SV2C: variants seen among roughly 807,000 people sequenced by gnomAD.
SV2C encodes the protein solute carrier family 22 member B3.
SV2C carries 49 observed loss-of-function variants against 79.7 expected under a neutral mutation model. The ratio of observed to expected loss-of-function variants is 0.61; its 90% CI spans 0.49 to 0.78. The LOEUF is 0.78. Ranked by LOEUF, SV2C falls within the 30% of genes least tolerant of loss-of-function variation. The pLI, the probability that SV2C is intolerant of heterozygous loss-of-function variation, is 0.00. For synonymous variants in SV2C, 334 were observed against 333.2 expected (o/e 1.00, Z -0.03); for missense variants, 833 against 912.9 (o/e 0.91, Z 1.13).
the SV2C span, among the ~76,000 whole-genome samples, chr5:75,998,166 G>A: frequency 6.6e-6 from 1 of 152,020 alleles, no homozygotes; most frequent in South Asian, 2.1e-4. Flanking sequence ...ACAGGAAGGG[G>A]AACATCACAC....
intron 12 of SV2C, among the ~76,000 whole-genome samples, chr5:76,313,167 G>A (rs1222585671): frequency 6.6e-6 from 1 of 152,140 alleles, no homozygotes; most frequent in Non-Finnish European, 1.5e-5. Context: ...CTGGTATTCT[G>A]TAATGGCAAT....
At chr5:75,883,864 A>T in the SV2C span, among the ~76,000 whole-genome samples, 2 of 151,670 alleles carry the variant, frequency 1.3e-5, no homozygotes, top group Non-Finnish European at 2.9e-5. Flanking sequence ...ACAAAAAAAA[A>T]ACATTTCTTT....
chr5:76,152,512 T>C (rs564592738), intron 2 of SV2C, among the ~76,000 whole-genome samples: 19 of 152,360 alleles, frequency 1.2e-4, no homozygotes, highest in African/African-American at 3.4e-4. Context: ...TTTATTTATT[T>C]TTCCAAATTG....
chr5:76,049,495 G>T, the SV2C span, among the ~76,000 whole-genome samples: 1 of 152,172 alleles, frequency 6.6e-6, no homozygotes, highest in Non-Finnish European at 1.5e-5. Context: ...ATTGTCAATG[G>T]AGATGTTCTA....
downstream of SV2C, among the ~76,000 whole-genome samples, chr5:76,334,211 G>T (rs905249248): frequency 6.6e-6 from 1 of 152,082 alleles, no homozygotes; most frequent in African/African-American, 2.4e-5. Flanking sequence ...GTGTTCTTTT[G>T]CCCTAGAGTA....
chr5:75,956,549 T>A, the SV2C span, among the ~76,000 whole-genome samples: 6 of 151,840 alleles, frequency 4.0e-5, no homozygotes, highest in South Asian at 1.3e-3. Context: ...AGTATAAAAA[T>A]AATAATAATA....
intron 8 of SV2C, among the ~76,000 whole-genome samples, chr5:76,292,516 C>T (rs1223573825): frequency 6.6e-6 from 1 of 152,150 alleles, no homozygotes; most frequent in East Asian, 1.9e-4. Context: ...TGCCATCCAC[C>T]TATATTCCAA....
the SV2C span, among the ~76,000 whole-genome samples, chr5:75,891,905 A>T: frequency 6.6e-6 from 1 of 152,066 alleles, no homozygotes; most frequent in Non-Finnish European, 1.5e-5. Flanking sequence ...ATCGGATGCT[A>T]GAGGGGCCTG....
the SV2C span, among the ~76,000 whole-genome samples, chr5:75,943,301 A>C: frequency 6.6e-6 from 1 of 152,140 alleles, no homozygotes; most frequent in Non-Finnish European, 1.5e-5. Context: ...ACAAGTACTG[A>C]TGGTTATTAG....
chr5:75,882,622 C>T, the SV2C span, among the ~76,000 whole-genome samples: 2 of 152,058 alleles, frequency 1.3e-5, no homozygotes, highest in Non-Finnish European at 2.9e-5. Flanking sequence ...TGATCTTTGA[C>T]AAACCTGACA....
At chr5:76,042,422 T>A in the SV2C span, among the ~76,000 whole-genome samples, 1,530 of 152,348 alleles carry the variant, frequency 0.01, 26 homozygotes, top group African/African-American at 0.035. Context: ...AAATACTTAG[T>A]TCAGTACCTG....
At chr5:76,139,918 G>A (rs717992) in intron 2 of SV2C, among the ~76,000 whole-genome samples, 5,283 of 65,998 alleles carry the variant, frequency 0.08, 472 homozygotes, top group East Asian at 0.34. Context: ...GCCGGACTGC[G>A]GACTGCAGTG....
intron 12 of SV2C, among the ~76,000 whole-genome samples, chr5:76,319,377 C>T (rs1216556728): frequency 6.6e-6 from 1 of 151,888 alleles, no homozygotes; most frequent in African/African-American, 2.4e-5. Context: ...ATGATCGCGC[C>T]ACTGCACTCC....
At chr5:76,079,617 A>G, upstream of SV2C, 1 of 346,274 alleles carries the variant, frequency 2.9e-6, no homozygotes, top group Non-Finnish European at 5.7e-6. Flanking sequence ...ACACAGGCAA[A>G]CTGTGTCAAT....
intron 1 of SV2C, among the ~76,000 whole-genome samples, chr5:76,113,572 A>C (rs1198559424): frequency 6.6e-6 from 1 of 152,222 alleles, no homozygotes; most frequent in Non-Finnish European, 1.5e-5. Context: ...AGGCCAGATC[A>C]GTTCTCAAAC....
chr5:76,315,042 G>C (rs1054884558), intron 12 of SV2C, among the ~76,000 whole-genome samples: 1 of 152,148 alleles, frequency 6.6e-6, no homozygotes, highest in Non-Finnish European at 1.5e-5. Flanking sequence ...GTGGAGATGG[G>C]AGGGAGATAA....
intron 4 of SV2C, among the ~76,000 whole-genome samples, chr5:76,234,774 C>T (rs919434012): frequency 6.6e-6 from 1 of 152,104 alleles, no homozygotes; most frequent in Non-Finnish European, 1.5e-5. Context: ...CTGAAGCTTC[C>T]TTTATGAAGT....
intron 3 of SV2C, among the ~76,000 whole-genome samples, chr5:76,203,703 A>G (rs1314650044): frequency 6.6e-6 from 1 of 152,210 alleles, no homozygotes; most frequent in African/African-American, 2.4e-5. Context: ...TTCCCCACAA[A>G]TTATATACTT....
chr5:76,220,410 G>A (rs1461883246), intron 4 of SV2C, among the ~76,000 whole-genome samples: 1 of 152,192 alleles, frequency 6.6e-6, no homozygotes, highest in African/African-American at 2.4e-5. Flanking sequence ...AGTGGCTCAT[G>A]CCTGTAATCC....
Sources: allele counts gnomAD v4.1 joint callset (sites outside exome capture counted in the v4.1 genomes callset), GRCh38; gene constraint gnomAD v4.1.1; transcripts MANE v1.5; gene names NCBI Gene and HGNC (gene_info 2026-07-23, HGNC 2026-07-21).